The following SPATA31F3 variants were observed in gnomAD, a reference collection of about 807,000 sequenced individuals.
SPATA31F3 encodes the protein protein SPATA31F3.
the SPATA31F3 span, among the ~76,000 whole-genome samples, chr9:34,893,935 T>C: frequency 3.3e-5 from 5 of 152,170 alleles, no homozygotes; most frequent in Admixed American, 2.0e-4. Context: ...GCTGATATAC[T>C]CAATATCTTT....
chr9:34,893,827 C>T, the SPATA31F3 span, among the ~76,000 whole-genome samples: 2 of 152,076 alleles, frequency 1.3e-5, no homozygotes, highest in Non-Finnish European at 2.9e-5. Context: ...AGTTAGAACC[C>T]GGATCAGTCT....
chr9:34,895,077 C>T, the SPATA31F3 span: 16 of 398,490 alleles, frequency 4.0e-5, no homozygotes, highest in South Asian at 1.3e-4. Flanking sequence ...TTGGACTCTT[C>T]GGTGACACTT....
At chr9:34,892,944 C>A in the SPATA31F3 span, 59 of 687,274 alleles carry the variant, frequency 8.6e-5, no homozygotes, top group African/African-American at 7.7e-4. Context: ...GAGCCCAGAT[C>A]CTGACTATGC....
At chr9:34,893,509 G>A in the SPATA31F3 span, among the ~76,000 whole-genome samples, 1 of 152,122 alleles carries the variant, frequency 6.6e-6, no homozygotes, top group East Asian at 1.9e-4. Context: ...GCAGAGGTAG[G>A]AGAGTCCCTT....
chr9:34,892,715 G>A, the SPATA31F3 span: 46 of 476,358 alleles, frequency 9.7e-5, no homozygotes, highest in Non-Finnish European at 1.6e-4. Context: ...CTGGCTCAGA[G>A]GAATTCCAGG....
chr9:34,894,411 G>A, the SPATA31F3 span: 12 of 398,556 alleles, frequency 3.0e-5, no homozygotes, highest in South Asian at 7.6e-4. Flanking sequence ...CAGACTAGCA[G>A]CTGGGAGACT....
At chr9:34,894,546 A>T in the SPATA31F3 span, 50 of 398,418 alleles carry the variant, frequency 1.3e-4, no homozygotes, top group Admixed American at 5.7e-4. Flanking sequence ...ACTGGAGAGG[A>T]TTCAGGGACA....
chr9:34,894,941 A>G, the SPATA31F3 span: 2 of 397,942 alleles, frequency 5.0e-6, no homozygotes, highest in Non-Finnish European at 8.9e-6. Flanking sequence ...TGCAGTGGTT[A>G]GAGCACCTGC....
At chr9:34,894,532 T>G in the SPATA31F3 span, 1 of 398,454 alleles carries the variant, frequency 2.5e-6, no homozygotes, top group Non-Finnish European at 4.4e-6. Flanking sequence ...GAGTGTTATG[T>G]GGAACTGGAG....
At chr9:34,889,228 G>A in the SPATA31F3 span, 2 of 398,564 alleles carry the variant, frequency 5.0e-6, no homozygotes, top group Non-Finnish European at 8.8e-6. Context: ...GCCTTCTGCT[G>A]AGGTGAGTTA....
At chr9:34,890,916 T>C in the SPATA31F3 span, among the ~76,000 whole-genome samples, 10 of 152,278 alleles carry the variant, frequency 6.6e-5, no homozygotes, top group African/African-American at 2.4e-4. Context: ...ACAAGCTTCA[T>C]TGGTGTTTTG....
At chr9:34,889,406 A>G in the SPATA31F3 span, 1 of 398,634 alleles carries the variant, frequency 2.5e-6, no homozygotes, top group Non-Finnish European at 4.4e-6. Flanking sequence ...CTTCCTCCTC[A>G]GTAGAAGGAG....
At chr9:34,894,619 A>G in the SPATA31F3 span, 1 of 397,518 alleles carries the variant, frequency 2.5e-6, no homozygotes, top group East Asian at 3.6e-5. Flanking sequence ...TCAGAACACT[A>G]AGTCACATCT....
At chr9:34,893,227 G>C in the SPATA31F3 span, 1 of 452,510 alleles carries the variant, frequency 2.2e-6, no homozygotes, top group Admixed American at 3.6e-5. Flanking sequence ...GCCGGGGTTG[G>C]CATTGTCCTT....
the SPATA31F3 span, among the ~76,000 whole-genome samples, chr9:34,891,905 T>C: frequency 6.6e-6 from 1 of 152,138 alleles, no homozygotes; most frequent in African/African-American, 2.4e-5. Context: ...GAGTCAGATA[T>C]AGGACATTGA....
At chr9:34,895,019 A>G in the SPATA31F3 span, 2 of 398,380 alleles carry the variant, frequency 5.0e-6, no homozygotes, top group African/African-American at 2.1e-5. Context: ...AGTGAATTAG[A>G]GGAGAGACTG....
At chr9:34,891,395 A>G in the SPATA31F3 span, among the ~76,000 whole-genome samples, 2,393 of 152,304 alleles carry the variant, frequency 0.016, 41 homozygotes, top group South Asian at 0.067. Context: ...TTTGTAATCT[A>G]TGTGGCTCTG....
the SPATA31F3 span, among the ~76,000 whole-genome samples, chr9:34,893,614 G>A: frequency 6.6e-6 from 1 of 150,690 alleles, no homozygotes; most frequent in African/African-American, 2.4e-5. Flanking sequence ...AAAAAAAAAA[G>A]AAAAAAGAAA....
the SPATA31F3 span, chr9:34,893,017 T>C: frequency 1.1e-6 from 1 of 886,218 alleles, no homozygotes. Flanking sequence ...ATGGCCCCAG[T>C]GAAGTCAGGG....
Sources: allele counts gnomAD v4.1 joint callset (sites outside exome capture counted in the v4.1 genomes callset), GRCh38; gene constraint gnomAD v4.1.1; transcripts MANE v1.5; gene names NCBI Gene and HGNC (gene_info 2026-07-23, HGNC 2026-07-21).